ASF1B: variants seen among roughly 807,000 people sequenced by gnomAD.
ASF1B encodes the protein histone chaperone ASF1B.
ASF1B carries 10 observed loss-of-function variants against 16.6 expected under a neutral mutation model. The observed-to-expected ratio is 0.60, with a 90% confidence interval of 0.37 to 1.02. The LOEUF is 1.02. ASF1B is among the 50% of genes least tolerant of loss of function. The pLI, the probability that ASF1B is intolerant of heterozygous loss-of-function variation, is 0.01. For synonymous variants in ASF1B, 101 were observed against 106.2 expected (o/e 0.95, Z 0.30); for missense variants, 240 against 266.0 (o/e 0.90, Z 0.68).
At chr19:14,125,945 A>C (rs2144512609) in intron 2 of ASF1B, among the ~76,000 whole-genome samples, 177 bp downstream of exon 2, 1 of 152,002 alleles carries the variant, frequency 6.6e-6, no homozygotes, top group East Asian at 1.9e-4. Context: ...GCAGCCTCAG[A>C]CTCCCGGGCT....
chr19:14,122,579 CA>C (rs1967256814), intron 2 of ASF1B, among the ~76,000 whole-genome samples: 1 of 151,592 alleles, frequency 6.6e-6, no homozygotes, highest in Non-Finnish European at 1.5e-5. Context: ...AGGCTGGTCT[CA>C]AACTCCTGGG....
rs199895808 is a variant in ASF1B at position 14,126,157 on chromosome 19, G to A, written c.190C>T (p.Pro64Ser). Residue 64 changes from proline (P) to serine (S), a missense_variant, in exon 2 of 4, where the codon CCT (proline) becomes TCT (serine). By Grantham distance (74) the Pro-to-Ser change is moderately conservative. Transcript: ENST00000263382. ...AACATGTGTCTCCCTGCTGGCACAG[G>A]GCCCACCAGCACCGAGTCTAGGATC... is the stretch of plus-strand genomic sequence containing the variant. ...DQILDSVLVGPVPAGRHMFVF... is the reference protein window; with the variant it reads ...DQILDSVLVGSVPAGRHMFVF... The A allele has an allele frequency of 6.2e-7, 1 of 1,610,084 alleles. No homozygotes were observed. The highest frequency in any genetic ancestry group is 1.7e-4 in the Middle Eastern group (1 of 6,042).
At chr19:14,135,555 G>A (rs372820976) in intron 1 of ASF1B, among the ~76,000 whole-genome samples, 11 of 152,292 alleles carry the variant, frequency 7.2e-5, no homozygotes, top group African/African-American at 2.4e-4. Flanking sequence ...GGTGGGCGTG[G>A]GGTTATTGAA....
intron 2 of ASF1B, among the ~76,000 whole-genome samples, chr19:14,121,950 T>C (rs1316424687): frequency 1.3e-5 from 2 of 151,712 alleles, no homozygotes; most frequent in Non-Finnish European, 2.9e-5. Flanking sequence ...TATTTTTTTT[T>C]AATGGAGTTT....
In ASF1B at chr19:14,121,628, A is replaced by G. The variant is rs750874442; in HGVS notation, c.306T>C (p.His102=). 3.1e-6 allele frequency: 5 copies of G among 1,613,966 alleles called. No homozygotes were observed. The highest frequency in any genetic ancestry group is 1.1e-5 in the South Asian group (1 of 91,080). The change falls in exon 3 of 4, where the codon CAT becomes CAC. Residue 102 remains histidine, a synonymous_variant. Coordinates refer to ENST00000263382, the MANE Select transcript of ASF1B (RefSeq NM_018154.3). ...AGCCCACTCGGATGAACTCCTGTCC[A>G]TGGTAGGTGCAGGTGATGAGGACCA... ...VTVVLITCTY[H]GQEFIRVGYY...
chr19:14,135,005 C>T (rs973427824), intron 1 of ASF1B, among the ~76,000 whole-genome samples: 4 of 151,800 alleles, frequency 2.6e-5, no homozygotes, highest in African/African-American at 9.7e-5. Context: ...GGGTGGATCA[C>T]TTGAGGTCAG....
At chr19:14,130,316 C>T (rs1248275817) in intron 1 of ASF1B, among the ~76,000 whole-genome samples, 1 of 151,906 alleles carries the variant, frequency 6.6e-6, no homozygotes, top group African/African-American at 2.4e-5. Flanking sequence ...CTGCCTTGGC[C>T]TCCCAAAGTG....
rs1429706266 is a variant in ASF1B at position 14,136,376 on chromosome 19, G to A, written c.81C>T (p.Ser27=). 2.0e-5 allele frequency: 32 copies of A among 1,613,598 alleles called. No homozygotes were observed. Among genetic ancestry groups the A allele is most frequent in the Non-Finnish European group, 2.7e-5 (32 of 1,179,614 alleles). ...PFHSPFRFEI[S]FECSEALADD... is the part of the protein sequence containing the mutation. ...CCGCCAGGGCTTCACTGCACTCGAA[G>A]CTGATCTCGAACCGGAAGGGGCTGT... Residue 27 remains serine (S), a synonymous_variant, in exon 1 of 4, where the codon AGC becomes AGT. Transcript: ENST00000263382.
chr19:14,125,092 G>T lies in ASF1B; in HGVS notation c.225+1030C>A, dbSNP rs548680351. On this transcript the variant is annotated intron_variant, in intron 2 of 3. Coordinates refer to ENST00000263382, the MANE Select transcript of ASF1B (RefSeq NM_018154.3). Reference sequence around the variant, plus strand: ...AGCGATTCTCCCGCCGCAGCCTCCCGAGTAGCTGGGATTACAGGCATGCGC... The same window carrying T: ...AGCGATTCTCCCGCCGCAGCCTCCCTAGTAGCTGGGATTACAGGCATGCGC... Among the ~76,000 whole-genome samples the T allele has an allele frequency of 3.3e-5, 5 of 152,072 alleles. No individual in the cohort carries two copies. The South Asian group carries it at 8.3e-4, about 25-fold the overall frequency.
chr19:14,133,823 A>ATTTTT (rs1967444053), intron 1 of ASF1B, among the ~76,000 whole-genome samples: 1 of 49,360 alleles, frequency 2.0e-5, no homozygotes, highest in African/African-American at 1.0e-4. Context: ...TTTTTTTTTG[A>ATTTTT]GACGGAGTCT....
At position 14,121,546 on chromosome 19, in the gene ASF1B, G is replaced by C. The variant is rs187314288; in HGVS notation, c.388C>G (p.Pro130Ala). ...ACAGGCCCCACCTGGGAGAAATCTG[G>C]CTTCATGGGCGGGTTCTCACGCAGC... is the stretch of plus-strand genomic sequence containing the variant. ...PELRENPPMKPDFSQLQRNIL... is the reference protein window; with the variant it reads ...PELRENPPMKADFSQLQRNIL... The change falls in exon 3 of 4, where the codon CCA (proline) becomes GCA (alanine). Residue 130 changes from proline to alanine, a missense_variant. By Grantham distance (27) the Pro-to-Ala change is conservative. Transcript: ENST00000263382. 93 of 1,613,802 alleles carry C rather than the reference G, an allele frequency of 5.8e-5. 2 individuals carry two copies. The Admixed American group carries it at 1.6e-3, about 27-fold the overall frequency.
rs568980356 is a variant in ASF1B, at chr19:14,125,215, C to T, written c.225+907G>A. 3.3e-5 allele frequency among the ~76,000 whole-genome samples: 5 copies of T among 152,328 alleles called. No individual in the cohort carries two copies. The South Asian group carries it at 1.0e-3, about 32-fold the overall frequency. ...CTCCTGACCTCAGGCGATCCACCCA[C>T]CTCAGCCTCCCAAAGTGCTGGGATT... is the stretch of plus-strand genomic sequence containing the variant. On this transcript the variant is annotated intron_variant, in intron 2 of 3. Transcript: ENST00000263382.
intron 1 of ASF1B, among the ~76,000 whole-genome samples, chr19:14,132,596 T>C (rs1245150935): frequency 6.6e-6 from 1 of 152,106 alleles, no homozygotes; most frequent in Non-Finnish European, 1.5e-5. Context: ...GAAGTGGGCA[T>C]ATCACTTGCG....
At position 14,136,542 on chromosome 19, in the gene ASF1B, G is replaced by T; in HGVS notation, c.-86C>A. ...TGGGTCCGGTGGGGTCAGTGGGGTAGGGCTGACCAGGTCCACTCCCGCCTC... is the reference window on the plus strand; with the variant it reads ...TGGGTCCGGTGGGGTCAGTGGGGTATGGCTGACCAGGTCCACTCCCGCCTC... On this transcript the variant is annotated 5_prime_UTR_variant, in exon 1 of 4. Coordinates refer to ENST00000263382, the MANE Select transcript of ASF1B (RefSeq NM_018154.3). The T allele has an allele frequency of 9.1e-7, 1 of 1,095,844 alleles. No homozygotes were observed. The highest frequency in any genetic ancestry group is 1.5e-5 in the South Asian group (1 of 68,772). 67.9% of individuals were successfully genotyped at this position (1,095,844 alleles called of 1,614,324 possible). A position where few individuals can be genotyped will look rare whatever the true frequency, so the allele number is the denominator to read the frequency against.
At chr19:14,131,362 T>A (rs577592886) in intron 1 of ASF1B, among the ~76,000 whole-genome samples, 17 of 151,622 alleles carry the variant, frequency 1.1e-4, no homozygotes, top group African/African-American at 4.1e-4. Flanking sequence ...TTTTTGTATT[T>A]AGTAGAGCCG....
chr19:14,128,414 G>A (rs35201197), intron 1 of ASF1B, among the ~76,000 whole-genome samples: 15,419 of 152,156 alleles, frequency 0.1, 982 homozygotes, highest in Admixed American at 0.18. Flanking sequence ...TGTAGGATAC[G>A]GGTGACCATT....
At chr19:14,129,721 G>A (rs1252284676) in intron 1 of ASF1B, among the ~76,000 whole-genome samples, 1 of 132,714 alleles carries the variant, frequency 7.5e-6, no homozygotes, top group Admixed American at 7.8e-5. Context: ...GAAGAAAGAA[G>A]GAAAGAAAGG....
chr19:14,133,119 CAAAAA>C, intron 1 of ASF1B, among the ~76,000 whole-genome samples: 1 of 142,256 alleles, frequency 7.0e-6, no homozygotes, highest in East Asian at 2.1e-4. Context: ...GACTCCATCT[CAAAAA>C]TAAATAAATA....
Position 14,121,719 on chromosome 19 carries a change from C to T in ASF1B, c.226-11G>A. ...GTTGGGGGCGTCGGCCTAGGGGAGACACATCCTAGGCCTTAGCAGTGCCAC... is the reference window on the plus strand; with the variant it reads ...GTTGGGGGCGTCGGCCTAGGGGAGATACATCCTAGGCCTTAGCAGTGCCAC... On this transcript the variant is annotated splice_polypyrimidine_tract_variant and intron_variant, in intron 2 of 3. Coordinates refer to ENST00000263382, the MANE Select transcript of ASF1B (RefSeq NM_018154.3). 2 of 1,610,858 alleles carry T rather than the reference C, an allele frequency of 1.2e-6. No individual in the cohort carries two copies. Among genetic ancestry groups the T allele is most frequent in the Non-Finnish European group, 8.5e-7 (1 of 1,178,112 alleles).
Sources: allele counts gnomAD v4.1 joint callset (sites outside exome capture counted in the v4.1 genomes callset), GRCh38; gene constraint gnomAD v4.1.1; transcripts MANE v1.5; gene names NCBI Gene and HGNC (gene_info 2026-07-23, HGNC 2026-07-21).